The following ZSWIM5 variants were observed in gnomAD, a reference collection of about 807,000 sequenced individuals.
ZSWIM5 encodes the protein zinc finger SWIM domain-containing protein 5.
ZSWIM5 carries 55 observed loss-of-function variants against 119.6 expected under a neutral mutation model. The observed-to-expected ratio is 0.46, with a 90% confidence interval of 0.37 to 0.58. The LOEUF (loss-of-function observed/expected upper bound fraction) is 0.58. ZSWIM5 is among the 20% of genes least tolerant of loss of function. ZSWIM5 has a pLI of 0.00. For missense variants in ZSWIM5, 1,193 were observed against 1,512.8 expected (o/e 0.79, Z 3.51); for synonymous variants, 537 against 606.9 (o/e 0.88, Z 1.69).
intron 1 of ZSWIM5, among the ~76,000 whole-genome samples, chr1:45,170,115 C>G (rs370799381): frequency 1.3e-5 from 2 of 152,030 alleles, no homozygotes; most frequent in African/African-American, 2.4e-5. Flanking sequence ...ACTGCTGTAC[C>G]TACATTCCGA....
At chr1:45,196,221 T>C (rs904259708) in intron 1 of ZSWIM5, among the ~76,000 whole-genome samples, 1 of 151,396 alleles carries the variant, frequency 6.6e-6, no homozygotes, top group Non-Finnish European at 1.5e-5. Flanking sequence ...CGGCTGCATA[T>C]AAAATTACCT....
chr1:45,137,959 A>T lies in ZSWIM5; in HGVS notation c.596-49722T>A, dbSNP rs1415415457. 2.6e-5 allele frequency among the ~76,000 whole-genome samples: 4 copies of T among 152,172 alleles called. No homozygotes were observed. The South Asian group carries it at 8.3e-4, about 32-fold the overall frequency. The stretch of plus-strand genomic sequence containing the variant: ...ATGGCTACTGTAAAGAATTCACGGG[A>T]GAGATCACATTGGCCTGAATTAGGG... On this transcript the variant is annotated intron_variant, in intron 1 of 13. Transcript: ENST00000359600.
chr1:45,178,849 G>A (rs1645996598), intron 1 of ZSWIM5, among the ~76,000 whole-genome samples: 1 of 151,916 alleles, frequency 6.6e-6, no homozygotes, highest in Non-Finnish European at 1.5e-5. Context: ...GCTCTCTGCT[G>A]TATAATCTGG....
At chr1:45,122,927 G>T (rs998195984) in intron 1 of ZSWIM5, among the ~76,000 whole-genome samples, 2 of 152,138 alleles carry the variant, frequency 1.3e-5, no homozygotes, top group Admixed American at 6.5e-5. Context: ...GTCAGATGAA[G>T]CCCAGTGGAA....
At chr1:45,158,370 C>T (rs1973506) in intron 1 of ZSWIM5, among the ~76,000 whole-genome samples, 8,833 of 151,930 alleles carry the variant, frequency 0.058, 531 homozygotes, top group East Asian at 0.23. Context: ...GGTTTTGCCA[C>T]GTTGCCCAGG....
intron 1 of ZSWIM5, among the ~76,000 whole-genome samples, chr1:45,156,889 AAC>A (rs937470595): frequency 1.3e-5 from 2 of 152,080 alleles, no homozygotes; most frequent in Non-Finnish European, 2.9e-5. Context: ...CACAAAAATT[AAC>A]AGAGACAATA....
chr1:45,200,841 T>C (rs1646154073), intron 1 of ZSWIM5, among the ~76,000 whole-genome samples: 1 of 152,184 alleles, frequency 6.6e-6, no homozygotes, highest in South Asian at 2.1e-4. Context: ...GAAACTCAGA[T>C]ATGCAACAAG....
chr1:45,173,417 C>T (rs1324646793), intron 1 of ZSWIM5, among the ~76,000 whole-genome samples: 3 of 152,058 alleles, frequency 2.0e-5, no homozygotes, highest in Non-Finnish European at 2.9e-5. Flanking sequence ...AAATACAAAA[C>T]CTATGTCTGA....
chr1:45,127,600 TAA>T (rs201607573), intron 1 of ZSWIM5, among the ~76,000 whole-genome samples: 8 of 149,874 alleles, frequency 5.3e-5, no homozygotes, highest in African/African-American at 2.0e-4. Context: ...CAGGCTAATT[TAA>T]AAAAAAAAAT....
intron 1 of ZSWIM5, among the ~76,000 whole-genome samples, chr1:45,145,477 A>G (rs1212585701): frequency 1.3e-5 from 2 of 152,210 alleles, no homozygotes; most frequent in Non-Finnish European, 2.9e-5. Context: ...AATACTACCC[A>G]GCAAAAAGAA....
At chr1:45,029,432 A>G (rs997082724) in intron 11 of ZSWIM5, among the ~76,000 whole-genome samples, 51 of 152,086 alleles carry the variant, frequency 3.4e-4, no homozygotes, top group African/African-American at 1.2e-3. Context: ...CTGAGTTCTT[A>G]TTGTTTCCTA....
At chr1:45,141,876 G>C (rs747898448) in intron 1 of ZSWIM5, among the ~76,000 whole-genome samples, 11 of 152,084 alleles carry the variant, frequency 7.2e-5, no homozygotes, top group Non-Finnish European at 1.5e-4. Flanking sequence ...AGCCACTGTG[G>C]AATTACTAGC....
chr1:45,128,676 T>C (rs1454390329), intron 1 of ZSWIM5, among the ~76,000 whole-genome samples: 1 of 152,246 alleles, frequency 6.6e-6, no homozygotes, highest in Admixed American at 6.5e-5. Flanking sequence ...TTATGTTGTA[T>C]AGGTCTATGA....
At chr1:45,053,526 C>T (rs532559274) in intron 4 of ZSWIM5, among the ~76,000 whole-genome samples, 8 of 152,032 alleles carry the variant, frequency 5.3e-5, no homozygotes, top group Middle Eastern at 3.4e-3. Context: ...CTTTGGGAGG[C>T]GGAGGCAGGT....
chr1:45,194,177 C>A (rs1646108961), intron 1 of ZSWIM5, among the ~76,000 whole-genome samples: 1 of 152,062 alleles, frequency 6.6e-6, no homozygotes, highest in South Asian at 2.1e-4. Context: ...AACAAGCTGG[C>A]TTTTCCAGAA....
At chr1:45,054,929 G>A (rs1022014261) in intron 4 of ZSWIM5, among the ~76,000 whole-genome samples, 1 of 152,084 alleles carries the variant, frequency 6.6e-6, no homozygotes, top group Non-Finnish European at 1.5e-5. Flanking sequence ...AGGTTCAAGC[G>A]ATTCTCCTGC....
chr1:45,088,213 G>T lies in ZSWIM5; in HGVS notation c.620C>A (p.Thr207Asn), dbSNP rs1360052684. ...QVGFHLSGTV[T>N]ELATASEPAV... ...TGGTTCAGAGGCAGTGGCCAGCTCA[G>T]TTACTGTGCCACTCAGATGAAAGCC... Residue 207 changes from threonine (T) to asparagine (N), a missense_variant, in exon 2 of 14, where the codon ACT (threonine) becomes AAT (asparagine). Transcript: ENST00000359600. This position sits in a 1 kb window ranked among gnomAD's most constrained non-coding sequence, Gnocchi z 4.2. 4 of 1,609,578 alleles carry T rather than the reference G, an allele frequency of 2.5e-6. No individual in the cohort carries two copies. Among genetic ancestry groups the T allele is most frequent in the Non-Finnish European group, 2.5e-6 (3 of 1,177,078 alleles).
chr1:45,194,707 T>C (rs1274520686), intron 1 of ZSWIM5, among the ~76,000 whole-genome samples: 1 of 151,630 alleles, frequency 6.6e-6, no homozygotes, highest in African/African-American at 2.4e-5. Flanking sequence ...GAAACCCTGT[T>C]TCTACTAAAA....
At chr1:45,163,548 A>C (rs1645878802) in intron 1 of ZSWIM5, among the ~76,000 whole-genome samples, 1 of 152,216 alleles carries the variant, frequency 6.6e-6, no homozygotes, top group African/African-American at 2.4e-5. Flanking sequence ...GGATGTTCGA[A>C]CCCATCGCAA....
Sources: allele counts gnomAD v4.1 joint callset (sites outside exome capture counted in the v4.1 genomes callset), GRCh38; gene constraint gnomAD v4.1.1; non-coding constraint Gnocchi (gnomAD v3.1); transcripts MANE v1.5; gene names NCBI Gene and HGNC (gene_info 2026-07-23, HGNC 2026-07-21).